GPATCH2L: variants seen among roughly 807,000 people sequenced by gnomAD.
The protein encoded by GPATCH2L is G patch domain-containing protein 2-like.
In GPATCH2L, 31 loss-of-function variants were observed where a neutral mutation model predicts 57.4. The ratio of observed to expected loss-of-function variants is 0.54; its 90% CI spans 0.41 to 0.73. The LOEUF is 0.73. GPATCH2L is among the 30% of genes least tolerant of loss of function. The pLI is 0.00. For synonymous variants in GPATCH2L, 199 were observed against 210.7 expected (o/e 0.94, Z 0.48); for missense variants, 481 against 599.9 (o/e 0.80, Z 2.07).
intron 5 of GPATCH2L, chr14:76,173,852 C>A: frequency 1.9e-6 from 1 of 529,042 alleles, no homozygotes; most frequent in Admixed American, 3.2e-5. Flanking sequence ...AAAAAAAACA[C>A]TGTCATTACA....
At chr14:76,185,203 C>A (rs949295022) in intron 8 of GPATCH2L, among the ~76,000 whole-genome samples, 2 of 152,068 alleles carry the variant, frequency 1.3e-5, no homozygotes, top group African/African-American at 4.8e-5. Context: ...AATCCATAAA[C>A]CAAGTGTTTT....
intron 2 of GPATCH2L, among the ~76,000 whole-genome samples, chr14:76,156,227 T>G (rs2038300511): frequency 6.6e-6 from 1 of 152,196 alleles, no homozygotes; most frequent in South Asian, 2.1e-4. Flanking sequence ...CTGTCTCAAT[T>G]TAACTTTCCC....
chr14:76,159,978 A>G (rs1357154705), intron 2 of GPATCH2L, among the ~76,000 whole-genome samples: 1 of 152,040 alleles, frequency 6.6e-6, no homozygotes, highest in African/African-American at 2.4e-5. Flanking sequence ...TAAAAATACA[A>G]AAAAATTAGC....
At chr14:76,172,269 G>A (rs2039120034) in intron 4 of GPATCH2L, among the ~76,000 whole-genome samples, 2 of 152,154 alleles carry the variant, frequency 1.3e-5, no homozygotes, top group Admixed American at 6.5e-5. Context: ...GCTTGCCATT[G>A]CCGTTTGTGC....
At chr14:76,161,918 C>T (rs1784989862) in intron 2 of GPATCH2L, among the ~76,000 whole-genome samples, 1 of 152,114 alleles carries the variant, frequency 6.6e-6, no homozygotes. Context: ...GGCCTGTAAT[C>T]CTAGCTACTT....
chr14:76,219,332 G>A (rs12892766), downstream of GPATCH2L, among the ~76,000 whole-genome samples: 60,085 of 152,010 alleles, frequency 0.4, 14,438 homozygotes, highest in South Asian at 0.56. Context: ...AAATACAAAT[G>A]ACTTTGAAGC....
intron 1 of GPATCH2L, chr14:76,152,757 T>A: frequency 2.2e-6 from 1 of 456,134 alleles, no homozygotes; most frequent in Non-Finnish European, 4.4e-6. Context: ...AAGTTTGTGC[T>A]GTTCTGCCTG....
chr14:76,230,268 G>A (rs1350482935), intron 2 of GPATCH2L: 1 of 152,226 alleles, frequency 6.6e-6, no homozygotes, highest in African/African-American at 2.4e-5. Context: ...ATTGGATGTA[G>A]CATGTGTGTG....
intron 1 of GPATCH2L, among the ~76,000 whole-genome samples, chr14:76,220,148 C>T (rs1316806698): frequency 6.6e-6 from 1 of 152,134 alleles, no homozygotes; most frequent in Non-Finnish European, 1.5e-5. Flanking sequence ...AGCTTCAGTC[C>T]TCACACAAGG....
At chr14:76,175,256 G>C (rs11627989) in intron 5 of GPATCH2L, 1 of 151,902 alleles carries the variant, frequency 6.6e-6, no homozygotes, top group Admixed American at 6.5e-5. Flanking sequence ...GTGAGGGCCT[G>C]TTGGATGTGC....
intron 3 of GPATCH2L, among the ~76,000 whole-genome samples, chr14:76,168,036 A>G (rs577829726): frequency 6.6e-6 from 1 of 152,336 alleles, no homozygotes; most frequent in East Asian, 1.9e-4. Context: ...ACGAGAGATT[A>G]TAGAATGTTC....
At position 76,221,938 on chromosome 14, in the gene GPATCH2L, C is replaced by T. The variant is rs527435512; in HGVS notation, c.66-7870C>T. Among the ~76,000 whole-genome samples, 5 of 152,246 alleles carry T rather than the reference C, an allele frequency of 3.3e-5. No individual in the cohort carries two copies. In the South Asian group the frequency reaches 1.0e-3, roughly 32 times the overall value. On this transcript the variant is annotated intron_variant and NMD_transcript_variant, in intron 1 of 3. Transcript: ENST00000556372. ...TTATCAAAACCCATAGAATGTATAA[C>T]ACTAATAGTGAACATTAGTGTATCA...
In GPATCH2L at chr14:76,154,260, C is replaced by T. The variant is rs2038188539; in HGVS notation, c.-10-94C>T. On this transcript the variant is annotated intron_variant, in intron 1 of 9. Coordinates refer to ENST00000261530, the MANE Select transcript of GPATCH2L (RefSeq NM_017926.4). The surrounding 1 kb of genome is among the most constrained non-coding windows in gnomAD (Gnocchi z 4.4). ...AACTGTGGACTACCATGATCTGTTT[C>T]ATCAAATTATTCCAAAACAACAGAT... 1 of 1,064,200 alleles carries T rather than the reference C, an allele frequency of 9.4e-7. No homozygotes were observed. Among genetic ancestry groups the T allele is most frequent in the Admixed American group, 2.6e-5 (1 of 38,076 alleles). 65.9% of individuals were successfully genotyped at this position (1,064,200 alleles called of 1,614,324 possible).
chr14:76,199,134 C>T (rs2121071), intron 9 of GPATCH2L, among the ~76,000 whole-genome samples: 119,663 of 152,156 alleles, frequency 0.79, 47,678 homozygotes, highest in South Asian at 0.88. Flanking sequence ...CAAATATCCA[C>T]GTACCTACCA....
rs186822084 is a variant in GPATCH2L at position 76,195,700 on chromosome 14, G to A, written c.1194-178G>A. On this transcript the variant is annotated intron_variant, in intron 8 of 9. Coordinates refer to ENST00000261530, the MANE Select transcript of GPATCH2L (RefSeq NM_017926.4). ...AAAGTTTAGAATGGGTGTGTATTGTGGATAAAGAGTGAGTTATTATTAATT... is the reference window on the plus strand; with the variant it reads ...AAAGTTTAGAATGGGTGTGTATTGTAGATAAAGAGTGAGTTATTATTAATT... Among the ~76,000 whole-genome samples the A allele has an allele frequency of 2.2e-4, 34 of 152,274 alleles. 1 individual carries two copies. Among genetic ancestry groups the A allele is most frequent in the African/African-American group, 7.5e-4 (31 of 41,550 alleles).
At chr14:76,177,706 TG>T (rs370601435) in intron 6 of GPATCH2L, among the ~76,000 whole-genome samples, 20,674 of 146,196 alleles carry the variant, frequency 0.14, 1,651 homozygotes, top group East Asian at 0.21. Flanking sequence ...GGTTTTTTTT[TG>T]TTTTTGTTTT....
At chr14:76,152,507 T>C in intron 1 of GPATCH2L, 1 of 369,886 alleles carries the variant, frequency 2.7e-6, no homozygotes, top group East Asian at 7.3e-5. Flanking sequence ...ACCCTGCTCC[T>C]GTCTCTCTTC....
At chr14:76,233,513 G>A (rs1242267378) in intron 2 of GPATCH2L, among the ~76,000 whole-genome samples, 1 of 151,986 alleles carries the variant, frequency 6.6e-6, no homozygotes, top group Non-Finnish European at 1.5e-5. Context: ...ATTCCCACAC[G>A]CCCATCATCC....
At chr14:76,152,526 T>G in intron 1 of GPATCH2L, 1 of 384,628 alleles carries the variant, frequency 2.6e-6, no homozygotes, top group Non-Finnish European at 5.2e-6. Context: ...TCTTACTTGC[T>G]GTCCACCAGC....
Sources: gnomAD v4.1 joint callset for allele counts (sites outside exome capture counted in the v4.1 genomes callset) on GRCh38, gnomAD v4.1.1 for gene constraint, Gnocchi (gnomAD v3.1) non-coding constraint, MANE v1.5 for transcripts, NCBI Gene and HGNC (gene_info 2026-07-23, HGNC 2026-07-21) for gene names.